The following ARHGAP42 variants were observed in gnomAD, a reference collection of about 807,000 sequenced individuals.
The protein encoded by ARHGAP42 is rho GTPase-activating protein 42.
ARHGAP42 carries 63 observed loss-of-function variants against 125.0 expected under a neutral mutation model. That is an observed-to-expected ratio of 0.50 (90% confidence interval 0.41 to 0.62). The LOEUF (loss-of-function observed/expected upper bound fraction) is 0.62, where lower values mean the gene tolerates loss of function less well. Ranked by LOEUF, ARHGAP42 falls within the 20% of genes least tolerant of loss-of-function variation. The pLI, the probability that ARHGAP42 is intolerant of heterozygous loss-of-function variation, is 0.00. For missense variants in ARHGAP42, 766 were observed against 1,024.2 expected (o/e 0.75, Z 3.44); for synonymous variants, 339 against 351.0 (o/e 0.97, Z 0.38).
intron 2 of ARHGAP42, among the ~76,000 whole-genome samples, chr11:100,771,806 T>A (rs899751334): frequency 3.9e-4 from 59 of 152,254 alleles, no homozygotes; most frequent in African/African-American, 1.3e-3. Context: ...TTTCACTATG[T>A]TGGCCAGGTG....
At chr11:100,923,146 G>C (rs1867325991) in intron 6 of ARHGAP42, among the ~76,000 whole-genome samples, 1 of 152,070 alleles carries the variant, frequency 6.6e-6, no homozygotes, top group Non-Finnish European at 1.5e-5. Flanking sequence ...CACTACTTAT[G>C]GTTCCTGTTC....
At position 100,843,765 on chromosome 11, in the gene ARHGAP42, G is replaced by A. The variant is rs200057368; in HGVS notation, c.313-15789G>A. On this transcript the variant is annotated intron_variant, in intron 3 of 23. Transcript: ENST00000298815. The stretch of plus-strand genomic sequence containing the variant: ...CAAGGAGGTGAAACACCTTTACAAG[G>A]AAAACTGCAAAAACTGCTGAAAGAA... 2.4e-4 allele frequency among the ~76,000 whole-genome samples: 37 copies of A among 152,020 alleles called. 1 individual carries two copies. In the East Asian group the frequency reaches 7.2e-3, roughly 29 times the overall value.
chr11:100,824,952 A>G (rs1864481306), intron 3 of ARHGAP42, among the ~76,000 whole-genome samples: 2 of 152,204 alleles, frequency 1.3e-5, no homozygotes, highest in Non-Finnish European at 2.9e-5. Flanking sequence ...AATAATTGTT[A>G]TGAGTGAATG....
intron 1 of ARHGAP42, among the ~76,000 whole-genome samples, chr11:100,705,846 C>T (rs111587068): frequency 0.025 from 3,811 of 152,208 alleles, 66 homozygotes; most frequent in Non-Finnish European, 0.032. Context: ...GGATTATAGG[C>T]GTCACTGTGC....
At position 100,792,752 on chromosome 11, in the gene ARHGAP42, CTTTTTTT is replaced by C. The variant is rs3063409; in HGVS notation, c.251-2341_251-2335del. Among the ~76,000 whole-genome samples, 20 of 141,580 alleles carry C rather than the reference CTTTTTTT, an allele frequency of 1.4e-4. No individual in the cohort carries two copies. In the East Asian group the frequency reaches 1.4e-3, roughly 10 times the overall value. 92.9% of individuals were successfully genotyped at this position (141,580 alleles called of 152,430 possible). A position where few individuals can be genotyped will look rare whatever the true frequency, so the allele number is the denominator to read the frequency against. On this transcript the variant is annotated intron_variant, in intron 2 of 23. Transcript: ENST00000298815. ...GAATTAACAATTGACTTGGAATTTT[CTTTTTTT>C]TTTTTTTTTTTGAGACCGAGTCTCT...
intron 1 of ARHGAP42, among the ~76,000 whole-genome samples, chr11:100,700,469 A>C (rs150476866): frequency 0.023 from 3,451 of 152,336 alleles, 50 homozygotes; most frequent in Middle Eastern, 0.038. Context: ...CACCCATAGT[A>C]GAACTTCTTT....
At position 100,710,809 on chromosome 11, in the gene ARHGAP42, G is replaced by C. The variant is rs560466870; in HGVS notation, c.154+22977G>C. ...CCGCCTCGGTCTCCCAAAGTGCAGG[G>C]ATTACAGGCTTGAGCCACTGTGTGC... On this transcript the variant is annotated intron_variant, in intron 1 of 23. Transcript: ENST00000298815. Among the ~76,000 whole-genome samples the C allele has an allele frequency of 3.5e-3, 538 of 152,308 alleles. 2 individuals carry two copies. The highest frequency in any genetic ancestry group is 5.9e-3 in the Non-Finnish European group (401 of 68,028).
At chr11:100,704,593 A>C (rs1270290113) in intron 1 of ARHGAP42, among the ~76,000 whole-genome samples, 4 of 151,998 alleles carry the variant, frequency 2.6e-5, no homozygotes, top group Non-Finnish European at 5.9e-5. Context: ...ATGTTTTGTG[A>C]TATCCACCGG....
chr11:100,705,257 T>A (rs576225182), intron 1 of ARHGAP42, among the ~76,000 whole-genome samples: 52 of 152,292 alleles, frequency 3.4e-4, no homozygotes, highest in African/African-American at 1.1e-3. Flanking sequence ...ATGTGCAGTG[T>A]TAATAACATT....
chr11:100,805,918 G>A (rs1185905195), intron 3 of ARHGAP42, among the ~76,000 whole-genome samples: 2 of 152,130 alleles, frequency 1.3e-5, no homozygotes, highest in Non-Finnish European at 2.9e-5. Context: ...ACTGCATCCT[G>A]TTTTATCAGC....
chr11:100,954,224 G>A (rs1426883014), intron 12 of ARHGAP42, among the ~76,000 whole-genome samples: 1 of 152,096 alleles, frequency 6.6e-6, no homozygotes, highest in Non-Finnish European at 1.5e-5. Context: ...TGAGCACTGT[G>A]AAAGAAAAGG....
rs1226686042 is a variant in ARHGAP42, at chr11:100,871,656, C to CA, written c.384+12035dup. ...ACAATTTTCATGTTTATTCTATGAA[C>CA]AAAATGTATTGAGCACACGTTTGTC... On this transcript the variant is annotated intron_variant, in intron 4 of 23. Coordinates refer to ENST00000298815, the MANE Select transcript of ARHGAP42 (RefSeq NM_152432.4). Among the ~76,000 whole-genome samples the CA allele has an allele frequency of 1.8e-4, 28 of 151,784 alleles. 2 individuals are homozygous for CA. Among genetic ancestry groups the CA allele is most frequent in the African/African-American group, 5.8e-4 (24 of 41,312 alleles).
At chr11:100,809,784 G>A (rs535245480) in intron 3 of ARHGAP42, among the ~76,000 whole-genome samples, 2 of 152,112 alleles carry the variant, frequency 1.3e-5, no homozygotes, top group East Asian at 3.9e-4. Context: ...GTGAAACCCT[G>A]TTTCTGCAAA....
intron 1 of ARHGAP42, among the ~76,000 whole-genome samples, chr11:100,724,508 T>G (rs140333204): frequency 2.6e-5 from 4 of 152,222 alleles, no homozygotes; most frequent in Non-Finnish European, 5.9e-5. Flanking sequence ...TAAAGATGTA[T>G]TCAGATTATC....
chr11:100,833,264 A>G (rs1345416115), intron 3 of ARHGAP42, among the ~76,000 whole-genome samples: 5 of 152,210 alleles, frequency 3.3e-5, no homozygotes, highest in African/African-American at 9.7e-5. Flanking sequence ...TTGATACTTT[A>G]TTAGAGAATG....
chr11:100,936,798 G>T (rs1172891454), intron 8 of ARHGAP42, among the ~76,000 whole-genome samples: 2 of 152,138 alleles, frequency 1.3e-5, no homozygotes, highest in Non-Finnish European at 2.9e-5. Flanking sequence ...TCGGAAATAA[G>T]TACCAAAGCC....
Position 100,770,349 on chromosome 11 carries a change from C to G in ARHGAP42, c.161C>G (p.Ser54Cys), listed in dbSNP as rs1862943368. The change falls in exon 2 of 24, where the codon TCT (serine) becomes TGT (cysteine). Residue 54 changes from serine to cysteine, a missense_variant. Around this residue, in one of 3 missense-constraint regions of ARHGAP42, gnomAD observed 455 missense variants for 636.5 expected, o/e 0.71. Coordinates refer to ENST00000298815, the MANE Select transcript of ARHGAP42 (RefSeq NM_152432.4). ...SLLIGALRNL[S>C]MAVQKFSQSL... is the part of the protein sequence containing the mutation. ...GCTTAACTTTTACTTGCAGATCTGT[C>G]TATGGCAGTGCAGAAATTTTCCCAG... The G allele has an allele frequency of 1.9e-6, 3 of 1,548,964 alleles. No homozygotes were observed. Among genetic ancestry groups the G allele is most frequent in the African/African-American group, 1.4e-5 (1 of 72,922 alleles).
chr11:100,974,603 A>G lies in ARHGAP42; in HGVS notation c.1855A>G (p.Ser619Gly), dbSNP rs1858341280. Reference sequence around the variant, plus strand: ...TACTCCATGCCTGGCCGAACCTGATAGTAAGTGCACCCGGCCTTAGGGAGA... The same window carrying G: ...TACTCCATGCCTGGCCGAACCTGATGGTAAGTGCACCCGGCCTTAGGGAGA... ...RYTPCLAEPD[S>G]DSYSSSPDST... Residue 619 changes from serine (S) to glycine (G), a missense_variant and splice_region_variant, in exon 19 of 24, where the codon AGT (serine) becomes GGT (glycine). Coordinates refer to ENST00000298815, the MANE Select transcript of ARHGAP42 (RefSeq NM_152432.4). The G allele has an allele frequency of 5.8e-6, 9 of 1,549,724 alleles. No individual in the cohort carries two copies. The highest frequency in any genetic ancestry group is 7.9e-6 in the Non-Finnish European group (9 of 1,145,848).
chr11:100,937,756 GA>G (rs1187147872), intron 8 of ARHGAP42, among the ~76,000 whole-genome samples: 25 of 152,292 alleles, frequency 1.6e-4, no homozygotes, highest in Admixed American at 1.6e-3. Context: ...GAAAGATTTA[GA>G]TTAGCTTGCA....
Sources: allele counts gnomAD v4.1 joint callset (sites outside exome capture counted in the v4.1 genomes callset), GRCh38; gene constraint gnomAD v4.1.1; regional missense constraint gnomAD v4.1.1; transcripts MANE v1.5; gene names NCBI Gene and HGNC (gene_info 2026-07-23, HGNC 2026-07-21).